PLOD2: variants seen among roughly 807,000 people sequenced by gnomAD.
PLOD2 encodes procollagen-lysine,2-oxoglutarate 5-dioxygenase 2, also known as lysine hydroxylase 2.
A neutral mutation model predicts 101.0 loss-of-function variants in PLOD2; 65 were observed. The observed-to-expected ratio is 0.64, with a 90% CI of 0.53 to 0.79. The LOEUF is 0.79. Among genes scored for constraint, PLOD2 ranks in the 30% least tolerant of loss-of-function variants. The pLI, the probability that PLOD2 is intolerant of heterozygous loss-of-function variation, is 0.00. For synonymous variants in PLOD2, 314 were observed against 302.9 expected, an observed-to-expected ratio of 1.04 and a Z score of -0.38; for missense variants, 909 against 914.6, an observed-to-expected ratio of 0.99 and a Z score of 0.08.
chr3:146,123,118 T>C (rs1156939329), intron 2 of PLOD2: 2 of 172,324 alleles, frequency 1.2e-5, no homozygotes, highest in African/African-American at 2.4e-5. Flanking sequence ...AGCTGTTCTA[T>C]ATTTACATCT....
chr3:146,147,065 T>C (rs1378890349), intron 1 of PLOD2, among the ~76,000 whole-genome samples: 1 of 149,652 alleles, frequency 6.7e-6, no homozygotes, highest in African/African-American at 2.5e-5. Flanking sequence ...TCTATCCTCT[T>C]GCAGGTTAAA....
At chr3:146,073,248 C>A (rs752394879) in intron 16 of PLOD2, 39 bp downstream of exon 16, 1 of 803,296 alleles carries the variant, frequency 1.2e-6, no homozygotes, top group Non-Finnish European at 2.0e-6. Context: ...TGGAAAATAA[C>A]AGCAAAATTT....
At chr3:146,160,697 C>G in intron 1 of PLOD2, 184 bp downstream of exon 1, 1 of 580,206 alleles carries the variant, frequency 1.7e-6, no homozygotes, top group East Asian at 3.0e-5. Flanking sequence ...GCGGGTGCCC[C>G]TACACTTCCC....
chr3:146,072,942 A>G (rs2107994328), intron 16 of PLOD2, among the ~76,000 whole-genome samples: 1 of 151,766 alleles, frequency 6.6e-6, no homozygotes, highest in African/African-American at 2.4e-5. Context: ...CTCTGAGAAA[A>G]GACTCTTCCA....
chr3:146,088,893 C>T (rs1318085299), intron 8 of PLOD2, 182 bp from the exon 9 acceptor site: 1 of 575,596 alleles, frequency 1.7e-6, no homozygotes, highest in African/African-American at 1.9e-5. Flanking sequence ...GTGGCCCCCC[C>T]AATCAAAGTG....
At chr3:146,096,804 G>T (rs1240855591) in intron 7 of PLOD2, among the ~76,000 whole-genome samples, 1 of 145,526 alleles carries the variant, frequency 6.9e-6, no homozygotes, top group Non-Finnish European at 1.5e-5. Context: ...GAGGTGAGGG[G>T]CTCCTCTGCC....
chr3:146,087,680 C>T lies in PLOD2; in HGVS notation c.1006-772G>A, dbSNP rs561747571. Among the ~76,000 whole-genome samples the T allele has an allele frequency of 1.2e-4, 18 of 151,090 alleles. 1 individual carries two copies. The South Asian group carries it at 3.8e-3, about 32-fold the overall frequency. Reference sequence around the variant, plus strand: ...CAACATAGAGTTAATACTAAATAACCAAAGATAAGACAAAAACGTCCGCCA... The same window carrying T: ...CAACATAGAGTTAATACTAAATAACTAAAGATAAGACAAAAACGTCCGCCA... On this transcript the variant is annotated intron_variant, in intron 9 of 19. Transcript: ENST00000282903.
rs1400125313 is a variant in PLOD2 at position 146,097,895 on chromosome 3, CT to C, written c.777+4859del. On this transcript the variant is annotated intron_variant, in intron 7 of 19. Transcript: ENST00000282903. Reference sequence around the variant, plus strand: ...CCATGAAAAAGAATGAGTTCATGTCCTTTGCAGAGACAAGGATGAAGCTGGA... The same window carrying C: ...CCATGAAAAAGAATGAGTTCATGTCCTTGCAGAGACAAGGATGAAGCTGGA... Among the ~76,000 whole-genome samples the C allele has an allele frequency of 5.9e-5, 9 of 152,072 alleles. No individual in the cohort carries two copies. The East Asian group carries it at 1.5e-3, about 26-fold the overall frequency.
chr3:146,088,751 G>T, intron 8 of PLOD2, 40 bp from the exon 9 acceptor site: 1 of 1,493,806 alleles, frequency 6.7e-7, no homozygotes, highest in Non-Finnish European at 9.3e-7. Context: ...ATTATCATTA[G>T]TATGGTTTTG....
At chr3:146,096,769 C>T (rs1937180923) in intron 7 of PLOD2, among the ~76,000 whole-genome samples, 1 of 149,376 alleles carries the variant, frequency 6.7e-6, no homozygotes, top group South Asian at 2.1e-4. Flanking sequence ...GGTCAGCCCC[C>T]CGCCCAGCCA....
In PLOD2 at chr3:146,069,483, G is replaced by A. The variant is rs879565065; in HGVS notation, c.*1234C>T. On this transcript the variant is annotated 3_prime_UTR_variant, in exon 20 of 20. Coordinates refer to ENST00000282903, the MANE Select transcript of PLOD2 (RefSeq NM_182943.3). ...TTTTTATAATTTTCTAACACATGGT[G>A]TTAGAAAATGAATTTTGGCACCGTG... 1.3e-5 allele frequency: 2 copies of A among 151,960 alleles called. No individual in the cohort carries two copies. Among genetic ancestry groups the A allele is most frequent in the Non-Finnish European group, 2.9e-5 (2 of 67,840 alleles). The allele number at this position is 151,960 out of a possible 1,614,324, so 9.4% of individuals were successfully genotyped here.
intron 1 of PLOD2, among the ~76,000 whole-genome samples, chr3:146,139,128 C>T (rs2031395450): frequency 1.3e-5 from 2 of 151,980 alleles, no homozygotes; most frequent in Non-Finnish European, 2.9e-5. Context: ...AGACAAGGAA[C>T]GGTAGTAAAG....
rs139531850 is a variant in PLOD2 at position 146,139,650 on chromosome 3, A to C, written c.110-15421T>G. On this transcript the variant is annotated intron_variant, in intron 1 of 19. Coordinates refer to ENST00000282903, the MANE Select transcript of PLOD2 (RefSeq NM_182943.3). ...TTTTACTGAGATTTCCACTGGACTT[A>C]AGCAGAAATGAATATTCAGAGGATT... is the stretch of plus-strand genomic sequence containing the variant. Among the ~76,000 whole-genome samples the C allele has an allele frequency of 5.7e-4, 87 of 152,276 alleles. 3 individuals are homozygous for C. In the East Asian group the frequency reaches 0.017, roughly 29 times the overall value.
At chr3:146,076,047 T>C (rs902829621) in intron 15 of PLOD2, 4 of 151,664 alleles carry the variant, frequency 2.6e-5, no homozygotes, top group Admixed American at 6.6e-5. Context: ...ATCACCAAGG[T>C]AGTGAGCACA....
chr3:146,101,347 C>T lies in PLOD2; in HGVS notation c.777+1408G>A, dbSNP rs546233104. Among the ~76,000 whole-genome samples, 25 of 152,258 alleles carry T rather than the reference C, an allele frequency of 1.6e-4. No homozygotes were observed. The South Asian group carries it at 3.5e-3, about 21-fold the overall frequency. The stretch of plus-strand genomic sequence containing the variant: ...GTAAGGATGAGGGTCACTACATGCA[C>T]ACAAACTGAGCTGTAAAATTTTTAA... On this transcript the variant is annotated intron_variant, in intron 7 of 19. Coordinates refer to ENST00000282903, the MANE Select transcript of PLOD2 (RefSeq NM_182943.3).
intron 19 of PLOD2, 60 bp from the exon 20 acceptor site, chr3:146,070,932 A>G: frequency 6.5e-7 from 1 of 1,534,222 alleles, no homozygotes; most frequent in Non-Finnish European, 9.0e-7. Flanking sequence ...CAAAATTCAA[A>G]TTATGTCATT....
At chr3:146,123,691 T>C (rs1387127389) in intron 2 of PLOD2, among the ~76,000 whole-genome samples, 2 of 152,086 alleles carry the variant, frequency 1.3e-5, no homozygotes, top group Non-Finnish European at 2.9e-5. Context: ...TTATTTACAT[T>C]GTATTTGTAC....
At chr3:146,110,749 A>G (rs1051109316) in intron 3 of PLOD2, among the ~76,000 whole-genome samples, 14 of 152,184 alleles carry the variant, frequency 9.2e-5, no homozygotes, top group Admixed American at 3.3e-4. Context: ...AACAGCATTA[A>G]AATGTTAGAA....
intron 8 of PLOD2, among the ~76,000 whole-genome samples, chr3:146,089,939 C>A (rs912897692): frequency 2.0e-5 from 3 of 151,352 alleles, no homozygotes; most frequent in African/African-American, 7.3e-5. Context: ...ATTTAAGTAA[C>A]CCAGAACACA....
Sources: gnomAD v4.1 joint callset for allele counts (sites outside exome capture counted in the v4.1 genomes callset) on GRCh38, gnomAD v4.1.1 for gene constraint, MANE v1.5 for transcripts, NCBI Gene and HGNC (gene_info 2026-07-23, HGNC 2026-07-21) for gene names.